PSD2: variants seen among roughly 807,000 people sequenced by gnomAD.
The protein encoded by PSD2 is PH and SEC7 domain-containing protein 2.
Under a neutral mutation model 69.8 loss-of-function variants are expected in PSD2, and 38 were observed. The ratio of observed to expected loss-of-function variants is 0.54; its 90% CI spans 0.42 to 0.71. The LOEUF is 0.71. Ranked by LOEUF, PSD2 falls within the 30% of genes least tolerant of loss-of-function variation. The pLI, the probability that PSD2 is intolerant of heterozygous loss-of-function variation, is 0.00. For synonymous variants in PSD2, 412 were observed against 423.0 expected, an observed-to-expected ratio of 0.97 and a Z score of 0.32; for missense variants, 943 against 1,014.5, an observed-to-expected ratio of 0.93 and a Z score of 0.96.
chr5:139,760,020 T>C, the PSD2 span, among the ~76,000 whole-genome samples: 544 of 152,348 alleles, frequency 3.6e-3, 1 homozygote, highest in Non-Finnish European at 6.5e-3. Context: ...ACAAAGGCCT[T>C]CGCTGTTCAG....
At chr5:139,758,868 T>C in the PSD2 span, among the ~76,000 whole-genome samples, 43 of 151,302 alleles carry the variant, frequency 2.8e-4, no homozygotes, top group Admixed American at 2.4e-3. Context: ...ATTGGGGAAA[T>C]GGGATCTTGG....
At chr5:139,757,677 T>C in the PSD2 span, among the ~76,000 whole-genome samples, 12,742 of 152,246 alleles carry the variant, frequency 0.084, 717 homozygotes, top group Non-Finnish European at 0.13. Context: ...CCCTAGAATG[T>C]TCTGAGCAAA....
At chr5:139,756,010 G>C in the PSD2 span, among the ~76,000 whole-genome samples, 2 of 152,216 alleles carry the variant, frequency 1.3e-5, no homozygotes, top group African/African-American at 4.8e-5. Context: ...GCCTCCGCTA[G>C]TGTCCCCGCG....
chr5:139,783,930 CCTT>C, the PSD2 span, among the ~76,000 whole-genome samples: 158 of 131,288 alleles, frequency 1.2e-3, no homozygotes, highest in African/African-American at 4.6e-3. Flanking sequence ...TCCCCTTTCT[CCTT>C]CTGCTAGCTC....
chr5:139,743,364 C>G, the PSD2 span, among the ~76,000 whole-genome samples: 2 of 152,136 alleles, frequency 1.3e-5, no homozygotes, highest in African/African-American at 2.4e-5. Flanking sequence ...GATGGAGAAC[C>G]TGGGAGGTTG....
At chr5:139,785,968 G>A in the PSD2 span, among the ~76,000 whole-genome samples, 3 of 151,774 alleles carry the variant, frequency 2.0e-5, no homozygotes, top group Non-Finnish European at 2.9e-5. Context: ...ATACACCCGC[G>A]GTCCCAGCTA....
At chr5:139,805,143 C>G (rs1250453127) in intron 1 of PSD2, among the ~76,000 whole-genome samples, 1 of 152,224 alleles carries the variant, frequency 6.6e-6, no homozygotes, top group African/African-American at 2.4e-5. Flanking sequence ...TCAGGTCCTG[C>G]ACCCATGCAC....
Position 139,842,338 on chromosome 5 carries a change from A to G in PSD2, c.2180A>G (p.Glu727Gly). 1.2e-6 allele frequency: 2 copies of G among 1,614,130 alleles called. No homozygotes were observed. The highest frequency in any genetic ancestry group is 1.1e-5 in the South Asian group (1 of 91,078). ...ATCAAAGTGGGCTCAGATGATCTGG[A>G]GCGGATTGAGGCCCGGCTGGCCACT... The part of the protein sequence containing the change: ...MKIKVGSDDL[E>G]RIEARLATLE... Residue 727 changes from glutamate (E) to glycine (G), a missense_variant, in exon 15 of 15, where the codon GAG becomes GGG. Around this residue, in one of 3 missense-constraint regions of PSD2, gnomAD observed 165 missense variants for 168.8 expected, o/e 0.98. Coordinates refer to ENST00000274710, the MANE Select transcript of PSD2 (RefSeq NM_032289.4).
rs910942889 is a variant in PSD2, at chr5:139,817,695, G to A, written c.1097+134G>A. 4 of 728,642 alleles carry A rather than the reference G, an allele frequency of 5.5e-6. No homozygotes were observed. The Admixed American group carries it at 1.0e-4, about 19-fold the overall frequency. 45.1% of individuals were successfully genotyped at this position (728,642 alleles called of 1,614,324 possible). A position where few individuals can be genotyped will look rare whatever the true frequency, so the allele number is the denominator to read the frequency against. On this transcript the variant is annotated intron_variant, in intron 5 of 14. Transcript: ENST00000274710. ...GACCCCTGGTGAGGCTGTGGGGAAG[G>A]GGCCACAGGAGCAGCAGCGGCCCAA...
At chr5:139,792,694 C>G (rs1759434149), upstream of PSD2, among the ~76,000 whole-genome samples, 1 of 152,074 alleles carries the variant, frequency 6.6e-6, no homozygotes, top group South Asian at 2.1e-4. Flanking sequence ...GTTGACCCTG[C>G]TGTCTTTCTT....
At chr5:139,788,694 C>A in the PSD2 span, among the ~76,000 whole-genome samples, 17 of 152,230 alleles carry the variant, frequency 1.1e-4, no homozygotes, top group African/African-American at 4.1e-4. Flanking sequence ...CTGGGCCAGG[C>A]TCTGCCGGGG....
In PSD2 at chr5:139,835,781, T is replaced by C. The variant is rs936868437; in HGVS notation, c.1403+15T>C. ...GAATGGGCCATGTGAGTAGTGACGA[T>C]GGGCACAGGTATGGGGAGCATACAT... On this transcript the variant is annotated intron_variant, in intron 9 of 14. Transcript: ENST00000274710. 2.5e-6 allele frequency: 4 copies of C among 1,613,334 alleles called. No homozygotes were observed. Among genetic ancestry groups the C allele is most frequent in the Non-Finnish European group, 3.4e-6 (4 of 1,179,416 alleles).
the PSD2 span, among the ~76,000 whole-genome samples, chr5:139,773,970 T>G: frequency 1.3e-5 from 2 of 151,482 alleles, no homozygotes; most frequent in East Asian, 2.0e-4. Flanking sequence ...TGTCCCTTGA[T>G]GTAATGTCCC....
chr5:139,822,694 T>G, intron 6 of PSD2, 32 bp from the exon 7 acceptor site: 4 of 1,595,514 alleles, frequency 2.5e-6, no homozygotes, highest in Non-Finnish European at 3.4e-6. Context: ...GGTTGGATCC[T>G]CGCACTGAGA....
chr5:139,766,831 CTTTCTTTCTTTCTT>C, the PSD2 span, among the ~76,000 whole-genome samples: 21 of 32,364 alleles, frequency 6.5e-4, 1 homozygote, highest in East Asian at 3.7e-3. Context: ...TCCCTTCCTT[CTTTCTTTCTTTCTT>C]TCTTTCTTTC....
Position 139,814,528 on chromosome 5 carries a change from G to A in PSD2, c.1016+164G>A, listed in dbSNP as rs1038792095. 4.6e-5 allele frequency among the ~76,000 whole-genome samples: 7 copies of A among 152,074 alleles called. No homozygotes were observed. Among genetic ancestry groups the A allele is most frequent in the South Asian group, 4.2e-4 (2 of 4,798 alleles). On this transcript the variant is annotated intron_variant, in intron 4 of 14. Transcript: ENST00000274710. The surrounding 1 kb of genome is among the most constrained non-coding windows in gnomAD (Gnocchi z 4.4). ...CGCCACTGTCCTCATTCCTGGCCTC[G>A]CCCTAAATCTGTTTCCTTTCTGGGC...
intron 1 of PSD2, among the ~76,000 whole-genome samples, chr5:139,801,997 C>A (rs1759685335): frequency 6.6e-6 from 1 of 152,214 alleles, no homozygotes; most frequent in African/African-American, 2.4e-5. Flanking sequence ...TGGCCCAGCA[C>A]AGCCCCTTTC....
chr5:139,797,481 A>G (rs1233005746), intron 1 of PSD2, among the ~76,000 whole-genome samples: 1 of 152,170 alleles, frequency 6.6e-6, no homozygotes, highest in Non-Finnish European at 1.5e-5. Context: ...GGATGCCCCC[A>G]GAGGCCTCCC....
chr5:139,756,339 C>A, the PSD2 span, among the ~76,000 whole-genome samples: 8 of 152,338 alleles, frequency 5.3e-5, no homozygotes, highest in African/African-American at 1.9e-4. Context: ...AAGCCGGGGC[C>A]GCGGCGCTGG....
Sources: gnomAD v4.1 joint callset for allele counts (sites outside exome capture counted in the v4.1 genomes callset) on GRCh38, gnomAD v4.1.1 for gene constraint, gnomAD v4.1.1 regional missense constraint, Gnocchi (gnomAD v3.1) non-coding constraint, MANE v1.5 for transcripts, NCBI Gene and HGNC (gene_info 2026-07-23, HGNC 2026-07-21) for gene names.